Variants in HOOK3 observed in about 807,000 individuals in gnomAD.
The protein encoded by HOOK3 is protein Hook homolog 3.
HOOK3 carries 24 observed loss-of-function variants against 116.3 expected under a neutral mutation model. The observed-to-expected ratio is 0.21, with a 90% CI of 0.15 to 0.29. The LOEUF (loss-of-function observed/expected upper bound fraction) is 0.29, where lower values mean the gene tolerates loss of function less well. Ranked by LOEUF, HOOK3 falls within the 10% of genes least tolerant of loss-of-function variation. The pLI, the probability that HOOK3 is intolerant of heterozygous loss-of-function variation, is 1.00. For missense variants in HOOK3, 632 were observed against 830.2 expected (o/e 0.76, Z 2.93); for synonymous variants, 275 against 283.0 (o/e 0.97, Z 0.28).
chr8:42,922,081 C>T (rs1387620015), intron 2 of HOOK3, among the ~76,000 whole-genome samples: 1 of 152,172 alleles, frequency 6.6e-6, no homozygotes, highest in Non-Finnish European at 1.5e-5. Flanking sequence ...AGTTATCTCC[C>T]TTTCTTACAC....
At chr8:42,917,878 T>C (rs2130343821) in intron 2 of HOOK3, among the ~76,000 whole-genome samples, 1 of 152,330 alleles carries the variant, frequency 6.6e-6, no homozygotes, top group Non-Finnish European at 1.5e-5. Flanking sequence ...TCATTATGGA[T>C]GTGAAATTTT....
intron 8 of HOOK3, among the ~76,000 whole-genome samples, chr8:42,959,726 A>C (rs1186181256): frequency 1.3e-5 from 2 of 151,214 alleles, no homozygotes; most frequent in Admixed American, 6.6e-5. Context: ...CTGAAAAAAA[A>C]AAAAAAAAAA....
intron 4 of HOOK3, among the ~76,000 whole-genome samples, chr8:42,939,296 G>A (rs1412377092): frequency 6.6e-6 from 1 of 152,012 alleles, no homozygotes; most frequent in Non-Finnish European, 1.5e-5. Context: ...AGGGGCGGCC[G>A]GGCAGAGGCG....
chr8:42,967,984 G>C (rs767577087), intron 10 of HOOK3, 29 bp from the exon 11 acceptor site: 5 of 1,308,980 alleles, frequency 3.8e-6, no homozygotes, highest in African/African-American at 2.9e-5. Flanking sequence ...ATGTGTTTCT[G>C]ATTTTTTTAA....
intron 16 of HOOK3, among the ~76,000 whole-genome samples, chr8:42,999,606 C>G (rs1215479565): frequency 6.6e-6 from 1 of 152,288 alleles, no homozygotes; most frequent in Middle Eastern, 3.4e-3. Flanking sequence ...TGGAGAAGAA[C>G]AACATAATTT....
intron 4 of HOOK3, among the ~76,000 whole-genome samples, chr8:42,940,812 G>C (rs1264761670): frequency 6.6e-6 from 1 of 152,190 alleles, no homozygotes; most frequent in African/African-American, 2.4e-5. Context: ...CTAGGTTGGG[G>C]AAGTTTTCCT....
chr8:42,910,342 CCT>C (rs1807399157), intron 2 of HOOK3, among the ~76,000 whole-genome samples: 1 of 151,800 alleles, frequency 6.6e-6, no homozygotes, highest in South Asian at 2.1e-4. Flanking sequence ...TTTCTTTCTT[CCT>C]AGAATGCCTT....
rs1216206148 is a variant in HOOK3, at chr8:43,019,056, A to G, written c.*558A>G. 4.8e-6 allele frequency: 1 copy of G among 207,658 alleles called. No homozygotes were observed. The highest frequency in any genetic ancestry group is 9.8e-6 in the Non-Finnish European group (1 of 101,758). The allele number at this position is 207,658 out of a possible 1,614,324, so 12.9% of individuals were successfully genotyped here. ...CAGAGGTGCTAATCACATCTTCCCTAAGGCACCTGGAAGAATTATTTGAGG... is the reference window on the plus strand; with the variant it reads ...CAGAGGTGCTAATCACATCTTCCCTGAGGCACCTGGAAGAATTATTTGAGG... On this transcript the variant is annotated 3_prime_UTR_variant, in exon 22 of 22. Transcript: ENST00000307602.
chr8:42,937,288 A>G (rs1586599199), intron 4 of HOOK3, among the ~76,000 whole-genome samples: 1 of 140,242 alleles, frequency 7.1e-6, no homozygotes, highest in Middle Eastern at 3.6e-3. Flanking sequence ...TTTCTTCTTT[A>G]TTAGTCTGGC....
Position 42,897,222 on chromosome 8 carries a change from C to T in HOOK3, c.57+34C>T, listed in dbSNP as rs1330295020. 4.1e-6 allele frequency: 5 copies of T among 1,219,312 alleles called. No individual in the cohort carries two copies. In the African/African-American group the frequency reaches 4.7e-5, roughly 11 times the overall value. 75.5% of individuals were successfully genotyped at this position (1,219,312 alleles called of 1,614,324 possible). ...GGGCCGCGGGCCGGCGGGAAGACCC[C>T]CTCCCCCCGCCACCTACCGGGACCC... On this transcript the variant is annotated intron_variant, in intron 1 of 21. Transcript: ENST00000307602.
chr8:42,911,052 G>C (rs1165934092), intron 2 of HOOK3, among the ~76,000 whole-genome samples: 1 of 152,206 alleles, frequency 6.6e-6, no homozygotes, highest in African/African-American at 2.4e-5. Context: ...CACTGCTATG[G>C]AAAGGAAAGG....
intron 16 of HOOK3, among the ~76,000 whole-genome samples, chr8:42,999,139 A>G (rs1487587542): frequency 3.9e-5 from 6 of 152,236 alleles, no homozygotes; most frequent in African/African-American, 1.4e-4. Flanking sequence ...GCCATTGTGC[A>G]TGGTTCTCTT....
At position 43,011,362 on chromosome 8, in the gene HOOK3, G is replaced by A. The variant is rs1586634138; in HGVS notation, c.1839+957G>A. ...TAAGTTAATATCTTTAAGGAGATTT[G>A]TGCTCAAGTATTTAAAGGTTATGCA... On this transcript the variant is annotated intron_variant, in intron 19 of 21. Coordinates refer to ENST00000307602, the MANE Select transcript of HOOK3 (RefSeq NM_032410.4). Among the ~76,000 whole-genome samples the A allele has an allele frequency of 3.3e-5, 5 of 152,128 alleles. No individual in the cohort carries two copies. In the East Asian group the frequency reaches 9.6e-4, roughly 29 times the overall value.
At chr8:42,911,543 A>C (rs1205590570) in intron 2 of HOOK3, among the ~76,000 whole-genome samples, 1 of 152,162 alleles carries the variant, frequency 6.6e-6, no homozygotes, top group East Asian at 1.9e-4. Context: ...ATTTTGAAAA[A>C]TATTCTGGCT....
intron 5 of HOOK3, among the ~76,000 whole-genome samples, chr8:42,946,918 G>A (rs766484390): frequency 1.3e-5 from 2 of 151,484 alleles, no homozygotes; most frequent in Admixed American, 6.6e-5. Flanking sequence ...ACAGGTGCAC[G>A]TGCCACCACG....
intron 4 of HOOK3, among the ~76,000 whole-genome samples, chr8:42,934,086 T>A (rs1807920407): frequency 6.6e-6 from 1 of 151,934 alleles, no homozygotes; most frequent in South Asian, 2.1e-4. Flanking sequence ...TTTATTTTAT[T>A]ACTTTACTTT....
chr8:43,011,016 G>GCC (rs1809596274), intron 19 of HOOK3, among the ~76,000 whole-genome samples: 1 of 150,880 alleles, frequency 6.6e-6, no homozygotes, highest in Non-Finnish European at 1.5e-5. Context: ...TTTTTGAGAT[G>GCC]GAGTCTCGCT....
intron 4 of HOOK3, among the ~76,000 whole-genome samples, chr8:42,940,037 G>T (rs569353159): frequency 6.6e-6 from 1 of 150,818 alleles, no homozygotes; most frequent in Non-Finnish European, 1.5e-5. Context: ...CATCCCAGAC[G>T]GTGGGCGGCC....
intron 1 of HOOK3, among the ~76,000 whole-genome samples, chr8:42,903,772 G>C (rs1396272111): frequency 3.3e-5 from 5 of 151,696 alleles, no homozygotes; most frequent in Non-Finnish European, 7.4e-5. Context: ...TGGCCAACAC[G>C]GTGAAACCCT....
Sources: gnomAD v4.1 joint callset for allele counts (sites outside exome capture counted in the v4.1 genomes callset) on GRCh38, gnomAD v4.1.1 for gene constraint, MANE v1.5 for transcripts, NCBI Gene and HGNC (gene_info 2026-07-23, HGNC 2026-07-21) for gene names.